LRRC9: variants seen among roughly 807,000 people sequenced by gnomAD.
The protein encoded by LRRC9 is leucine rich repeat containing 9.
Under a neutral mutation model 63.2 loss-of-function variants are expected in LRRC9, and 122 were observed. That is an observed-to-expected ratio of 1.93 (90% CI 1.67 to 2.24). LRRC9 has a LOEUF of 2.24. Ranked by LOEUF, LRRC9 falls within the 30% of genes most tolerant of loss-of-function variation. LRRC9 has a pLI of 0.00. For missense variants in LRRC9, 1,071 were observed against 627.7 expected, an observed-to-expected ratio of 1.71 and a Z score of -7.55; for synonymous variants, 366 against 213.1, an observed-to-expected ratio of 1.72 and a Z score of -6.25.
intron 30 of LRRC9, 34 bp from the exon 31 acceptor site, chr14:60,057,844 G>A (rs775303773): frequency 1.6e-6 from 1 of 609,342 alleles, no homozygotes; most frequent in South Asian, 1.9e-5. Flanking sequence ...TTTTGGAGAT[G>A]AGATGTTATT....
At chr14:59,947,607 C>G (rs1446885494) in intron 8 of LRRC9, among the ~76,000 whole-genome samples, 1 of 135,458 alleles carries the variant, frequency 7.4e-6, no homozygotes, top group Non-Finnish European at 1.6e-5. Context: ...AATGGTAATG[C>G]CTAGGTTTTC....
At chr14:59,920,350 A>T (rs1385137731) in intron 1 of LRRC9, 77 bp downstream of exon 1, 1 of 152,268 alleles carries the variant, frequency 6.6e-6, no homozygotes, top group East Asian at 1.9e-4. Flanking sequence ...CTTCCAAGCC[A>T]TACCAAGGGG....
exon 20 of LRRC9, chr14:60,002,068 C>T (rs1405884898): frequency 1.4e-6 from 1 of 701,772 alleles, no homozygotes; most frequent in East Asian, 2.7e-5. Context: ...GTTAGGACCT[C>T]ATTTACATCT....
At chr14:59,949,212 T>A (rs2139891901) in intron 8 of LRRC9, among the ~76,000 whole-genome samples, 1 of 151,874 alleles carries the variant, frequency 6.6e-6, no homozygotes, top group Middle Eastern at 3.4e-3. Context: ...ATTCAGAGAT[T>A]CAACTTCTTC....
intron 13 of LRRC9, among the ~76,000 whole-genome samples, chr14:59,975,063 ACTAT>A (rs1885995846): frequency 1.2e-5 from 1 of 83,966 alleles, no homozygotes; most frequent in Non-Finnish European, 2.3e-5. Context: ...GCTGAACTAA[ACTAT>A]GTGTGTGTGT....
Position 59,964,466 on chromosome 14 carries a change from A to AG in LRRC9, c.1212-2123_1212-2122insG, listed in dbSNP as rs1884639118. On this transcript the variant is annotated intron_variant, in intron 10 of 31. Transcript: ENST00000445360. The surrounding 1 kb of genome is among the most constrained non-coding windows in gnomAD (Gnocchi z 4.4). ...CTGCTGAATTCCTGGGCAACATAAA[A>AG]TCTCCATGAAAAAATCACACTTCAT... 6.6e-6 allele frequency among the ~76,000 whole-genome samples: 1 copy of AG among 152,252 alleles called. No homozygotes were observed. Among genetic ancestry groups the AG allele is most frequent in the Non-Finnish European group, 1.5e-5 (1 of 68,022 alleles).
chr14:60,055,489 A>G (rs1301757998), intron 30 of LRRC9, among the ~76,000 whole-genome samples: 2 of 152,184 alleles, frequency 1.3e-5, no homozygotes, highest in Non-Finnish European at 2.9e-5. Context: ...TTAGTTTCAT[A>G]TTGCTGCTAT....
chr14:59,988,533 A>T (rs1887718145), intron 17 of LRRC9, among the ~76,000 whole-genome samples: 1 of 152,104 alleles, frequency 6.6e-6, no homozygotes, highest in African/African-American at 2.4e-5. Flanking sequence ...ATAATTACTC[A>T]TTGTTTTATC....
At chr14:60,034,015 C>CTTTTTTT (rs1157239003) in intron 29 of LRRC9, among the ~76,000 whole-genome samples, 8 of 116,058 alleles carry the variant, frequency 6.9e-5, no homozygotes, top group African/African-American at 1.9e-4. Flanking sequence ...TTTTTTCTTT[C>CTTTTTTT]TTTTTTTTTT....
intron 8 of LRRC9, among the ~76,000 whole-genome samples, chr14:59,957,714 G>C (rs1883915236): frequency 6.6e-6 from 1 of 152,004 alleles, no homozygotes; most frequent in Non-Finnish European, 1.5e-5. Context: ...GAGGCATTCT[G>C]GTTTTTGGAA....
chr14:60,055,677 G>A (rs1260816684), intron 30 of LRRC9, among the ~76,000 whole-genome samples: 1 of 150,716 alleles, frequency 6.6e-6, no homozygotes, highest in Non-Finnish European at 1.5e-5. Context: ...TGGATCACTT[G>A]AGCCCACGAG....
chr14:59,983,752 A>G (rs1887179693), intron 16 of LRRC9, among the ~76,000 whole-genome samples: 1 of 152,166 alleles, frequency 6.6e-6, no homozygotes, highest in African/African-American at 2.4e-5. Flanking sequence ...GTTGTAGCCA[A>G]ATTAGGATGG....
intron 30 of LRRC9, among the ~76,000 whole-genome samples, chr14:60,056,699 T>C (rs1894309443): frequency 6.6e-6 from 1 of 152,194 alleles, no homozygotes; most frequent in African/African-American, 2.4e-5. Flanking sequence ...GTATTTCAAA[T>C]CTTTATTTTA....
chr14:60,031,244 C>T lies in LRRC9; in HGVS notation c.3922-751C>T, dbSNP rs116639294. On this transcript the variant is annotated intron_variant, in intron 28 of 31. Coordinates refer to ENST00000445360, the Ensembl canonical transcript of LRRC9. The surrounding 1 kb of genome is among the most constrained non-coding windows in gnomAD (Gnocchi z 4.6). Reference sequence around the variant, plus strand: ...AAAATCAAATTCACTTCCACATGATCTAAAATAGGTCTAAATATTTTTACA... The same window carrying T: ...AAAATCAAATTCACTTCCACATGATTTAAAATAGGTCTAAATATTTTTACA... 5.5e-3 allele frequency among the ~76,000 whole-genome samples: 841 copies of T among 152,078 alleles called. 8 individuals are homozygous for T. The highest frequency in any genetic ancestry group is 0.019 in the African/African-American group (808 of 41,538).
chr14:60,024,835 CCT>C (rs1311319018), intron 27 of LRRC9, among the ~76,000 whole-genome samples: 1 of 151,736 alleles, frequency 6.6e-6, no homozygotes, highest in Non-Finnish European at 1.5e-5. Context: ...CCATTCTCCC[CCT>C]TTTTGCGGTG....
Position 59,990,576 on chromosome 14 carries a change from A to C in LRRC9, c.2211+5352A>C, listed in dbSNP as rs912635363. Among the ~76,000 whole-genome samples the C allele has an allele frequency of 6.7e-6, 1 of 149,740 alleles. No homozygotes were observed. The highest frequency in any genetic ancestry group is 1.5e-5 in the Non-Finnish European group (1 of 67,190). On this transcript the variant is annotated intron_variant, in intron 17 of 31. Coordinates refer to ENST00000445360, the Ensembl canonical transcript of LRRC9. This position sits in a 1 kb window ranked among gnomAD's most constrained non-coding sequence, Gnocchi z 4.2. ...GCATGCCACCACACCCTGCTAATTA[A>C]AAAAAAAAACAATTTTGTAGAGATG... is the stretch of plus-strand genomic sequence containing the variant.
chr14:59,995,198 G>A (rs192519361), intron 17 of LRRC9, among the ~76,000 whole-genome samples: 1 of 152,136 alleles, frequency 6.6e-6, no homozygotes, highest in Admixed American at 6.5e-5. Flanking sequence ...ATCCACATAA[G>A]GCAAATTGAA....
intron 17 of LRRC9, among the ~76,000 whole-genome samples, chr14:59,988,531 T>C (rs1388819141): frequency 6.6e-6 from 1 of 152,192 alleles, no homozygotes; most frequent in Non-Finnish European, 1.5e-5. Flanking sequence ...TAATAATTAC[T>C]CATTGTTTTA....
At chr14:60,035,656 A>T (rs1892368975) in intron 29 of LRRC9, among the ~76,000 whole-genome samples, 1 of 152,146 alleles carries the variant, frequency 6.6e-6, no homozygotes, top group Non-Finnish European at 1.5e-5. Flanking sequence ...CTGTAAATGC[A>T]TGGATTTATA....
Sources: allele counts gnomAD v4.1 joint callset (sites outside exome capture counted in the v4.1 genomes callset), GRCh38; gene constraint gnomAD v4.1.1; non-coding constraint Gnocchi (gnomAD v3.1); transcripts MANE v1.5; gene names NCBI Gene and HGNC (gene_info 2026-07-23, HGNC 2026-07-21).